Variants in NDUFAF7 observed in about 807,000 individuals in gnomAD.
NDUFAF7 encodes the protein protein arginine methyltransferase NDUFAF7, mitochondrial.
Under a neutral mutation model 47.2 loss-of-function variants are expected in NDUFAF7, and 48 were observed. The ratio of observed to expected loss-of-function variants is 1.02; its 90% CI spans 0.81 to 1.29. The LOEUF (loss-of-function observed/expected upper bound fraction) is 1.29, where lower values mean the gene tolerates loss of function less well. NDUFAF7 is among the 50% of genes most tolerant of loss of function. NDUFAF7 has a pLI of 0.00. For synonymous variants in NDUFAF7, 217 were observed against 190.0 expected (o/e 1.14, Z -1.17); for missense variants, 635 against 537.6 (o/e 1.18, Z -1.79).
At chr2:37,252,641 C>T (rs188065403), downstream of NDUFAF7, 31 of 151,984 alleles carry the variant, frequency 2.0e-4, 1 homozygote, top group Admixed American at 1.9e-3. Flanking sequence ...AAGAAAAACC[C>T]TTCAATGCCT....
At chr2:37,252,655 T>C (rs1475034992), downstream of NDUFAF7, 2 of 152,098 alleles carry the variant, frequency 1.3e-5, no homozygotes, top group East Asian at 1.9e-4. Flanking sequence ...AATGCCTCTA[T>C]GGTTTGTTAA....
At chr2:37,259,845 A>G in the NDUFAF7 span, among the ~76,000 whole-genome samples, 3 of 152,168 alleles carry the variant, frequency 2.0e-5, no homozygotes, top group African/African-American at 7.2e-5. Flanking sequence ...CAATCACCCA[A>G]CATGTAAAAG....
chr2:37,242,128 G>A (rs1361605993), intron 5 of NDUFAF7: 2 of 335,452 alleles, frequency 6.0e-6, no homozygotes, highest in South Asian at 3.5e-5. Flanking sequence ...TAGTAGGTGG[G>A]TTTAGTTCAG....
At chr2:37,270,189 T>G in the NDUFAF7 span, among the ~76,000 whole-genome samples, 7 of 151,740 alleles carry the variant, frequency 4.6e-5, no homozygotes, top group Non-Finnish European at 7.4e-5. Context: ...ACTGTGCCAC[T>G]GCACTCCAGC....
downstream of NDUFAF7, among the ~76,000 whole-genome samples, chr2:37,257,774 A>T (rs1668098989): frequency 1.3e-5 from 2 of 152,112 alleles, no homozygotes; most frequent in Admixed American, 1.3e-4. Context: ...CTGGCAAGTA[A>T]ATAAAACTGA....
At chr2:37,266,648 G>A in the NDUFAF7 span, among the ~76,000 whole-genome samples, 6 of 152,146 alleles carry the variant, frequency 3.9e-5, no homozygotes, top group Non-Finnish European at 5.9e-5. Context: ...CACCGTGCCC[G>A]GCCTAGTTTT....
chr2:37,257,957 C>A (rs1668113894), downstream of NDUFAF7, among the ~76,000 whole-genome samples: 1 of 152,148 alleles, frequency 6.6e-6, no homozygotes, highest in South Asian at 2.1e-4. Context: ...CACATCCTCT[C>A]AAAAGAGAGT....
chr2:37,255,620 G>A (rs1194973989), downstream of NDUFAF7, among the ~76,000 whole-genome samples: 3 of 152,178 alleles, frequency 2.0e-5, no homozygotes, highest in Non-Finnish European at 2.9e-5. Context: ...TTCATTCTAG[G>A]TATAAGGAAC....
chr2:37,249,499 C>T (rs145786899), downstream of NDUFAF7, among the ~76,000 whole-genome samples: 249 of 151,404 alleles, frequency 1.6e-3, 1 homozygote, highest in African/African-American at 5.9e-3. Flanking sequence ...ATCGCTTGAA[C>T]CCGGGAGGCG....
downstream of NDUFAF7, among the ~76,000 whole-genome samples, chr2:37,258,321 T>C (rs1022498913): frequency 6.6e-6 from 1 of 152,200 alleles, no homozygotes; most frequent in Non-Finnish European, 1.5e-5. Flanking sequence ...TTCAGTGTCT[T>C]TGAAGAGTAC....
At position 37,248,174 on chromosome 2, in the gene NDUFAF7, C is replaced by T; in HGVS notation, c.1150C>T (p.Gln384Ter). Residue 384 changes from glutamine (Q) to a stop codon, truncating the protein, a stop_gained, in exon 10 of 10, where the codon CAG becomes TAG. Transcript: ENST00000002125. LOFTEE classifies it high-confidence loss of function. ...ATCAAATGAGCCATCAGTGAGGCAG[C>T]AGTTACTTCAAGGATATGATATGTT... ...DKSNEPSVRQQLLQGYDMLMN... is the reference protein window; with the variant it reads ...DKSNEPSVRQ 2 of 1,613,970 alleles carry T rather than the reference C, an allele frequency of 1.2e-6. No homozygotes were observed. The highest frequency in any genetic ancestry group is 1.7e-6 in the Non-Finnish European group (2 of 1,179,924).
At chr2:37,263,810 A>G in the NDUFAF7 span, among the ~76,000 whole-genome samples, 57 of 152,296 alleles carry the variant, frequency 3.7e-4, no homozygotes, top group Non-Finnish European at 7.1e-4. Context: ...TTGGAAATCT[A>G]CATGATTTTA....
chr2:37,247,566 C>G lies in NDUFAF7; in HGVS notation c.1047C>G (p.Ala349=). 2.5e-6 allele frequency: 4 copies of G among 1,614,014 alleles called. No individual in the cohort carries two copies. The highest frequency in any genetic ancestry group is 3.4e-6 in the Non-Finnish European group (4 of 1,179,980). Residue 349 remains alanine, a synonymous_variant, in exon 9 of 10, where the codon GCC becomes GCG. Transcript: ENST00000002125. ...YLRRMAQGKV[A]SLGPIKQHTF... ...GAAGAATGGCACAGGGAAAAGTAGC[C>G]TCTCTGGGCCCAATAAAACAACACA...
Position 37,231,759 on chromosome 2 carries a change from A to G in NDUFAF7, c.54A>G (p.Ala18=). ...GLGPLCAVAR[A]AIPFIWRGKY... is the part of the protein sequence containing the mutation. ...GGCCGTTGTGTGCCGTGGCGCGCGCAGGTAAGCGTCAGTCCCCTCGAAGCC... is the reference window on the plus strand; with the variant it reads ...GGCCGTTGTGTGCCGTGGCGCGCGCGGGTAAGCGTCAGTCCCCTCGAAGCC... Residue 18 remains alanine, a splice_region_variant and synonymous_variant, in exon 1 of 10, where the codon GCA becomes GCG. Coordinates refer to ENST00000002125, the MANE Select transcript of NDUFAF7 (RefSeq NM_144736.5). 3.1e-6 allele frequency: 5 copies of G among 1,614,176 alleles called. No individual in the cohort carries two copies. In the South Asian group the frequency reaches 5.5e-5, roughly 18 times the overall value.
chr2:37,245,297 T>C (rs895178258), intron 7 of NDUFAF7, among the ~76,000 whole-genome samples: 1 of 152,064 alleles, frequency 6.6e-6, no homozygotes, highest in African/African-American at 2.4e-5. Context: ...TAGGAAGGAG[T>C]ACAAGTTAAT....
In NDUFAF7 at chr2:37,236,126, G is replaced by T. The variant is rs750197551; in HGVS notation, c.247G>T (p.Glu83Ter). Residue 83 changes from glutamate (E) to a stop codon, truncating the protein, a stop_gained, in exon 3 of 10, where the codon GAA (glutamate) becomes TAA (stop). Transcript: ENST00000002125. LOFTEE classifies it high-confidence loss of function. Reference protein sequence around the residue: ...GYYVYRDMLGEKGDFITSPEI... With the variant: ...GYYVYRDMLG ...TTATGTGTACCGTGACATGCTAGGC[G>T]AAAAAGGAGATTTCATTACTTCACC... 1 of 1,613,154 alleles carries T rather than the reference G, an allele frequency of 6.2e-7. No homozygotes were observed. The highest frequency in any genetic ancestry group is 1.7e-5 in the Admixed American group (1 of 60,014).
chr2:37,264,388 A>T, the NDUFAF7 span, among the ~76,000 whole-genome samples: 1 of 152,214 alleles, frequency 6.6e-6, no homozygotes, highest in African/African-American at 2.4e-5. Context: ...AACTTGACAA[A>T]GATGCCTTGT....
intron 4 of NDUFAF7, among the ~76,000 whole-genome samples, chr2:37,239,328 A>G (rs1666119807): frequency 6.6e-6 from 1 of 152,148 alleles, no homozygotes; most frequent in South Asian, 2.1e-4. Flanking sequence ...CATGCTGGCC[A>G]GGCTGATCTT....
chr2:37,260,481 A>C, the NDUFAF7 span: 28 of 1,134,954 alleles, frequency 2.5e-5, no homozygotes, highest in South Asian at 8.3e-5. Context: ...GCACAGAAAG[A>C]AAGCCTAGAG....
Sources: gnomAD v4.1 joint callset for allele counts (sites outside exome capture counted in the v4.1 genomes callset) on GRCh38, gnomAD v4.1.1 for gene constraint, MANE v1.5 for transcripts, NCBI Gene and HGNC (gene_info 2026-07-23, HGNC 2026-07-21) for gene names.